CASR: variants seen among roughly 807,000 people sequenced by gnomAD.
CASR encodes the protein extracellular calcium-sensing receptor.
Under a neutral mutation model 69.1 loss-of-function variants are expected in CASR, and 23 were observed. The observed-to-expected ratio is 0.33, with a 90% CI of 0.24 to 0.47. The LOEUF (loss-of-function observed/expected upper bound fraction) is 0.47, where lower values mean the gene tolerates loss of function less well. Ranked by LOEUF, CASR falls within the 20% of genes least tolerant of loss-of-function variation. The probability of loss-of-function intolerance (pLI) is 1.00; values close to 1 mark genes in which losing one functional copy is unlikely to be tolerated. For synonymous variants in CASR, 541 were observed against 544.7 expected (o/e 0.99, Z 0.10); for missense variants, 924 against 1,356.1 (o/e 0.68, Z 5.00).
intron 1 of CASR, among the ~76,000 whole-genome samples, chr3:122,250,700 T>C (rs775335509): frequency 6.6e-6 from 1 of 152,258 alleles, no homozygotes; most frequent in Non-Finnish European, 1.5e-5. Flanking sequence ...GATCAATAAA[T>C]GCTAGTTTCT....
chr3:122,210,828 C>T (rs2074057954), intron 1 of CASR, among the ~76,000 whole-genome samples: 2 of 152,284 alleles, frequency 1.3e-5, no homozygotes, highest in South Asian at 4.2e-4. Context: ...TGCTACCCAA[C>T]TTCAAACTGT....
At chr3:122,187,122 A>G (rs1481175258) in intron 1 of CASR, among the ~76,000 whole-genome samples, 3 of 152,252 alleles carry the variant, frequency 2.0e-5, no homozygotes, top group South Asian at 2.1e-4. Flanking sequence ...GTAAATATAT[A>G]TATAACCCTG....
chr3:122,235,802 G>C (rs553733421), intron 1 of CASR, among the ~76,000 whole-genome samples: 1 of 152,282 alleles, frequency 6.6e-6, no homozygotes, highest in South Asian at 2.1e-4. Flanking sequence ...CTCTAAAAAT[G>C]ATAATACATA....
At position 122,283,993 on chromosome 3, in the gene CASR, G is replaced by A. The variant is rs773146939; in HGVS notation, c.2039G>A (p.Arg680His). 4 of 1,613,664 alleles carry A rather than the reference G, an allele frequency of 2.5e-6. No individual in the cohort carries two copies. Among genetic ancestry groups the A allele is most frequent in the East Asian group, 2.2e-5 (1 of 44,872 alleles). The change falls in exon 7 of 7, where the codon CGC becomes CAC. Residue 680 changes from arginine (R) to histidine (H), a missense_variant. Coordinates refer to ENST00000639785, the MANE Select transcript of CASR (RefSeq NM_000388.4). ...CCCCAGGACTGGACGTGCCGCCTGCGCCAGCCGGCCTTTGGCATCAGCTTC... is the reference window on the plus strand; with the variant it reads ...CCCCAGGACTGGACGTGCCGCCTGCACCAGCCGGCCTTTGGCATCAGCTTC... The part of the protein sequence containing the change: ...GEPQDWTCRL[R>H]QPAFGISFVL...
At chr3:122,252,365 A>G (rs1178522414) in intron 1 of CASR, among the ~76,000 whole-genome samples, 1 of 32,256 alleles carries the variant, frequency 3.1e-5, no homozygotes, top group East Asian at 5.1e-4. Context: ...GAAAGAAAGA[A>G]GGAAGGAAGG....
intron 3 of CASR, chr3:122,257,741 C>T (rs1340828902): frequency 1.1e-5 from 2 of 186,622 alleles, no homozygotes; most frequent in Non-Finnish European, 2.3e-5. Context: ...GTAAATCCCA[C>T]CTCTCAAATC....
chr3:122,217,531 G>A (rs1343166240), intron 1 of CASR, among the ~76,000 whole-genome samples: 1 of 152,284 alleles, frequency 6.6e-6, no homozygotes, highest in Non-Finnish European at 1.5e-5. Flanking sequence ...CAATGAACGA[G>A]TAGGAATAAT....
At chr3:122,222,305 A>G (rs1401603110) in intron 1 of CASR, among the ~76,000 whole-genome samples, 7 of 152,174 alleles carry the variant, frequency 4.6e-5, no homozygotes, top group Admixed American at 4.6e-4. Flanking sequence ...GTGTATGCAT[A>G]GAGTGCCTAG....
chr3:122,186,312 T>A (rs1208778509), intron 1 of CASR, among the ~76,000 whole-genome samples: 1 of 152,188 alleles, frequency 6.6e-6, no homozygotes, highest in African/African-American at 2.4e-5. Flanking sequence ...TAAGACTTTT[T>A]GGTGGAAGAG....
chr3:122,212,184 TAAAGAA>T (rs1445355687), intron 1 of CASR, among the ~76,000 whole-genome samples: 1 of 152,056 alleles, frequency 6.6e-6, no homozygotes, highest in Non-Finnish European at 1.5e-5. Flanking sequence ...TTAGACTAGA[TAAAGAA>T]AATGTGGTAC....
At chr3:122,248,650 G>A (rs756375795) in intron 1 of CASR, among the ~76,000 whole-genome samples, 1 of 147,928 alleles carries the variant, frequency 6.8e-6, no homozygotes, top group Non-Finnish European at 1.5e-5. Context: ...AAAAATAGTA[G>A]CTTTTGAGCT....
Position 122,262,316 on chromosome 3 carries a change from T to G in CASR, c.1281T>G (p.Ile427Met). 6.2e-7 allele frequency: 1 copy of G among 1,614,112 alleles called. No individual in the cohort carries two copies. Among genetic ancestry groups the G allele is most frequent in the Non-Finnish European group, 8.5e-7 (1 of 1,179,968 alleles). The change falls in exon 4 of 7, where the codon ATT becomes ATG. Residue 427 changes from isoleucine (I) to methionine (M), a missense_variant. Ile to Met is a conservative substitution (Grantham distance 10). Transcript: ENST00000639785. ...SYNVYLAVYS[I>M]AHALQDIYTC... ...ATGTGTACTTAGCAGTCTACTCCAT[T>G]GCCCACGCCTTGCAAGATATATATA... is the stretch of plus-strand genomic sequence containing the variant.
At chr3:122,259,607 A>G (rs2074596939) in intron 3 of CASR, among the ~76,000 whole-genome samples, 1 of 151,394 alleles carries the variant, frequency 6.6e-6, no homozygotes, top group Non-Finnish European at 1.5e-5. Flanking sequence ...CTATCCATCA[A>G]TAAGAAGAAA....
chr3:122,185,338 T>C (rs892198096), intron 1 of CASR, among the ~76,000 whole-genome samples: 1 of 152,208 alleles, frequency 6.6e-6, no homozygotes. Context: ...ACTGCCCACA[T>C]CCCTTAATCT....
chr3:122,263,905 G>A (rs369577850), intron 4 of CASR, among the ~76,000 whole-genome samples: 19 of 152,268 alleles, frequency 1.2e-4, no homozygotes, highest in African/African-American at 3.9e-4. Context: ...TCTTCTAGGT[G>A]GTTGTTACTA....
chr3:122,233,208 C>T (rs767926342), intron 1 of CASR, among the ~76,000 whole-genome samples: 3 of 152,208 alleles, frequency 2.0e-5, no homozygotes, highest in Non-Finnish European at 2.9e-5. Flanking sequence ...TACCACAAAC[C>T]GCACTCCTGT....
rs1353978307 is a variant in CASR at position 122,276,129 on chromosome 3, T to G, written c.1608+87T>G. ...TTGGGAGGGCCTTTGGTTTCCCCAC[T>G]GGACTTCCAAAATAAAGAGTCCACT... On this transcript the variant is annotated intron_variant, in intron 5 of 6. Coordinates refer to ENST00000639785, the MANE Select transcript of CASR (RefSeq NM_000388.4). 3 of 854,996 alleles carry G rather than the reference T, an allele frequency of 3.5e-6. No individual in the cohort carries two copies. In the African/African-American group the frequency reaches 5.0e-5, roughly 14 times the overall value. 53.0% of individuals were successfully genotyped at this position (854,996 alleles called of 1,614,324 possible). A position where few individuals can be genotyped will look rare whatever the true frequency, so the allele number is the denominator to read the frequency against.
At chr3:122,205,026 T>C (rs541385609) in intron 1 of CASR, among the ~76,000 whole-genome samples, 3 of 152,314 alleles carry the variant, frequency 2.0e-5, no homozygotes, top group African/African-American at 7.2e-5. Context: ...TTCTGTGGGT[T>C]GTCTGTCCAC....
At chr3:122,211,489 C>T (rs1419516378) in intron 1 of CASR, among the ~76,000 whole-genome samples, 1 of 152,226 alleles carries the variant, frequency 6.6e-6, no homozygotes, top group African/African-American at 2.4e-5. Flanking sequence ...AGGTGGATCA[C>T]TTGAGGCCAA....
Sources: gnomAD v4.1 joint callset for allele counts (sites outside exome capture counted in the v4.1 genomes callset) on GRCh38, gnomAD v4.1.1 for gene constraint, MANE v1.5 for transcripts, NCBI Gene and HGNC (gene_info 2026-07-23, HGNC 2026-07-21) for gene names.